Variants in C12orf54 observed in about 807,000 individuals in gnomAD.
C12orf54 encodes the protein uncharacterized protein C12orf54.
A neutral mutation model predicts 26.4 loss-of-function variants in C12orf54; 24 were observed. The ratio of observed to expected loss-of-function variants is 0.91; its 90% CI spans 0.66 to 1.28. C12orf54 has a LOEUF of 1.28. Among genes scored for constraint, C12orf54 ranks in the 50% most tolerant of loss-of-function variants. The probability of loss-of-function intolerance (pLI) is 0.00; values close to 1 mark genes in which losing one functional copy is unlikely to be tolerated. For synonymous variants in C12orf54, 54 were observed against 47.0 expected (o/e 1.15, Z -0.61); for missense variants, 154 against 150.9 (o/e 1.02, Z -0.11).
the C12orf54 span, among the ~76,000 whole-genome samples, chr12:48,440,140 G>A: frequency 1.9e-3 from 288 of 151,956 alleles, no homozygotes; most frequent in African/African-American, 6.4e-3. Flanking sequence ...CAGGAGAATT[G>A]TTTGAACCTG....
the C12orf54 span, among the ~76,000 whole-genome samples, chr12:48,475,050 T>A: frequency 6.6e-6 from 1 of 152,152 alleles, no homozygotes; most frequent in African/African-American, 2.4e-5. Flanking sequence ...GAGACAAAAC[T>A]TCCAGAGGAA....
At chr12:48,419,822 G>A in the C12orf54 span, among the ~76,000 whole-genome samples, 2 of 152,234 alleles carry the variant, frequency 1.3e-5, no homozygotes, top group Admixed American at 1.3e-4. Context: ...CCTTCACACA[G>A]GAGGAAAAGA....
chr12:48,472,148 T>G, the C12orf54 span, among the ~76,000 whole-genome samples: 1 of 152,208 alleles, frequency 6.6e-6, no homozygotes, highest in African/African-American at 2.4e-5. Context: ...TCAGCTTGAA[T>G]ACTATTGGTG....
chr12:48,473,312 T>C, the C12orf54 span: 6 of 1,169,048 alleles, frequency 5.1e-6, no homozygotes, highest in Middle Eastern at 1.9e-4. Flanking sequence ...GTTATAACAA[T>C]GGAGAGGTAG....
the C12orf54 span, among the ~76,000 whole-genome samples, chr12:48,434,222 C>T: frequency 6.6e-6 from 1 of 152,218 alleles, no homozygotes; most frequent in Non-Finnish European, 1.5e-5. Flanking sequence ...GGGAGGGGCG[C>T]CCGCCATTGC....
chr12:48,465,402 G>A, the C12orf54 span, among the ~76,000 whole-genome samples: 1 of 152,090 alleles, frequency 6.6e-6, no homozygotes, highest in Admixed American at 6.6e-5. Context: ...TTATTAAAAA[G>A]TCAAAACATA....
chr12:48,417,994 C>T, the C12orf54 span, among the ~76,000 whole-genome samples: 3 of 152,036 alleles, frequency 2.0e-5, no homozygotes, highest in Non-Finnish European at 4.4e-5. Context: ...TTGATGGGCA[C>T]CTAGGTTGAT....
the C12orf54 span, among the ~76,000 whole-genome samples, chr12:48,447,110 A>C: frequency 6.6e-6 from 1 of 152,196 alleles, no homozygotes; most frequent in Non-Finnish European, 1.5e-5. Flanking sequence ...AGTAATTTGA[A>C]GATATCACTA....
chr12:48,428,345 C>CAA, the C12orf54 span, among the ~76,000 whole-genome samples: 1 of 146,508 alleles, frequency 6.8e-6, no homozygotes, highest in African/African-American at 2.5e-5. Flanking sequence ...GAAATTGAAA[C>CAA]AAAAAAAAAA....
the C12orf54 span, chr12:48,473,285 G>A: frequency 8.1e-5 from 88 of 1,090,956 alleles, no homozygotes; most frequent in Middle Eastern, 2.0e-4. Context: ...GTGGAGACGA[G>A]GAGGAGAAGG....
the C12orf54 span, among the ~76,000 whole-genome samples, chr12:48,460,706 T>C: frequency 1.3e-5 from 2 of 152,262 alleles, no homozygotes; most frequent in South Asian, 4.1e-4. Context: ...ACATTATAAA[T>C]AAAGTCTACT....
upstream of C12orf54, among the ~76,000 whole-genome samples, chr12:48,477,729 A>C (rs1954158324): frequency 6.6e-6 from 1 of 152,338 alleles, no homozygotes; most frequent in Non-Finnish European, 1.5e-5. Context: ...GACCAATAAC[A>C]GGAGCTGAAA....
the C12orf54 span, among the ~76,000 whole-genome samples, chr12:48,444,814 G>T: frequency 3.2e-4 from 49 of 152,254 alleles, no homozygotes; most frequent in Middle Eastern, 3.4e-3. Flanking sequence ...TTTTAAGAAT[G>T]AGACATACAA....
the C12orf54 span, among the ~76,000 whole-genome samples, chr12:48,445,547 A>C: frequency 6.6e-6 from 1 of 152,120 alleles, no homozygotes; most frequent in Non-Finnish European, 1.5e-5. Context: ...TGAAGTCCTC[A>C]TCTCCTCCCA....
upstream of C12orf54, among the ~76,000 whole-genome samples, chr12:48,481,931 G>A (rs1356334472): frequency 6.6e-6 from 1 of 152,122 alleles, no homozygotes; most frequent in African/African-American, 2.4e-5. Context: ...GACATATTGG[G>A]ATATTTTATA....
the C12orf54 span, among the ~76,000 whole-genome samples, chr12:48,453,920 A>G: frequency 6.6e-6 from 1 of 152,000 alleles, no homozygotes; most frequent in Non-Finnish European, 1.5e-5. Context: ...CAAACTGAAA[A>G]AAGAAGTGCC....
chr12:48,416,137 A>G, the C12orf54 span, among the ~76,000 whole-genome samples: 2 of 152,186 alleles, frequency 1.3e-5, no homozygotes, highest in African/African-American at 2.4e-5. Context: ...CAGATGTCAC[A>G]TGGAGTCTTG....
chr12:48,457,920 T>C, the C12orf54 span, among the ~76,000 whole-genome samples: 2 of 152,144 alleles, frequency 1.3e-5, no homozygotes, highest in African/African-American at 4.8e-5. Context: ...TTGGCACTTG[T>C]CCCTTCAGGC....
the C12orf54 span, among the ~76,000 whole-genome samples, chr12:48,456,656 T>C: frequency 1.3e-5 from 2 of 152,158 alleles, no homozygotes; most frequent in Non-Finnish European, 2.9e-5. Flanking sequence ...CCATGTTAGG[T>C]TGGTTGTGAG....
Sources: gnomAD v4.1 joint callset for allele counts (sites outside exome capture counted in the v4.1 genomes callset) on GRCh38, gnomAD v4.1.1 for gene constraint, MANE v1.5 for transcripts, NCBI Gene and HGNC (gene_info 2026-07-23, HGNC 2026-07-21) for gene names.